Variants in TLE4 observed in about 807,000 individuals in gnomAD.
TLE4 encodes transducin-like enhancer protein 4.
A neutral mutation model predicts 92.8 loss-of-function variants in TLE4; 8 were observed. The ratio of observed to expected loss-of-function variants is 0.09; its 90% CI spans 0.05 to 0.16. The LOEUF (loss-of-function observed/expected upper bound fraction) is 0.16, where lower values mean the gene tolerates loss of function less well. Among genes scored for constraint, TLE4 ranks in the 10% least tolerant of loss-of-function variants. The pLI, the probability that TLE4 is intolerant of heterozygous loss-of-function variation, is 1.00. For missense variants in TLE4, 675 were observed against 997.6 expected, an observed-to-expected ratio of 0.68 and a Z score of 4.36; for synonymous variants, 371 against 374.1, an observed-to-expected ratio of 0.99 and a Z score of 0.10.
chr9:79,591,058 A>G (rs1396242336), intron 4 of TLE4, among the ~76,000 whole-genome samples: 3 of 152,202 alleles, frequency 2.0e-5, no homozygotes, highest in African/African-American at 7.2e-5. Context: ...TTAACCTCAT[A>G]CTATGTGCAG....
At chr9:79,702,975 TTC>T (rs951705833) in intron 8 of TLE4, among the ~76,000 whole-genome samples, 1 of 152,124 alleles carries the variant, frequency 6.6e-6, no homozygotes, top group African/African-American at 2.4e-5. Context: ...GTAACACACT[TTC>T]TCTCATAGTT....
chr9:79,688,516 A>G (rs1017304623), intron 8 of TLE4, among the ~76,000 whole-genome samples: 1 of 152,072 alleles, frequency 6.6e-6, no homozygotes, highest in Admixed American at 6.6e-5. Flanking sequence ...ATATGTTCCT[A>G]TCATACACTT....
intron 8 of TLE4, among the ~76,000 whole-genome samples, chr9:79,673,391 C>G (rs1177974235): frequency 6.6e-6 from 1 of 152,130 alleles, no homozygotes; most frequent in Non-Finnish European, 1.5e-5. Context: ...TGAATGTAAC[C>G]CAATTCCATT....
intron 1 of TLE4, 176 bp from the exon 2 acceptor site, chr9:79,573,513 C>A: frequency 1.2e-6 from 1 of 822,440 alleles, no homozygotes; most frequent in Non-Finnish European, 1.7e-6. Flanking sequence ...ACCTCGAAAC[C>A]AGCCTCTGCC....
intron 8 of TLE4, among the ~76,000 whole-genome samples, chr9:79,683,646 T>A (rs1011930351): frequency 4.6e-5 from 7 of 152,224 alleles, no homozygotes; most frequent in Non-Finnish European, 7.3e-5. Context: ...ATCCATGAAC[T>A]GATAAGGTGT....
rs1206198345 is a variant in TLE4, at chr9:79,689,577, G to A, written c.610-15206G>A. Among the ~76,000 whole-genome samples the A allele has an allele frequency of 2.0e-5, 3 of 152,184 alleles. No homozygotes were observed. In the East Asian group the frequency reaches 5.8e-4, roughly 29 times the overall value. ...GAAGCACTGCATTCAGTATTCAGAAGTGCGTAAAGAGCATCTTGCCTCATC... is the reference window on the plus strand; with the variant it reads ...GAAGCACTGCATTCAGTATTCAGAAATGCGTAAAGAGCATCTTGCCTCATC... On this transcript the variant is annotated intron_variant, in intron 8 of 19. Transcript: ENST00000376552.
intron 8 of TLE4, among the ~76,000 whole-genome samples, chr9:79,691,639 C>T (rs1268676550): frequency 2.6e-5 from 4 of 152,232 alleles, no homozygotes; most frequent in African/African-American, 7.2e-5. Context: ...CCTGTGTGCT[C>T]CAGTGCCATT....
intron 4 of TLE4, 35 bp downstream of exon 4, chr9:79,576,212 G>A: frequency 7.0e-7 from 1 of 1,430,598 alleles, no homozygotes; most frequent in South Asian, 1.4e-5. Flanking sequence ...TTAAATGACA[G>A]TAATACTGGG....
intron 5 of TLE4, among the ~76,000 whole-genome samples, chr9:79,621,310 T>C (rs898662944): frequency 6.6e-6 from 1 of 152,114 alleles, no homozygotes; most frequent in African/African-American, 2.4e-5. Context: ...GCCAGAAGGA[T>C]GGATGAGTGG....
intron 4 of TLE4, among the ~76,000 whole-genome samples, chr9:79,606,349 A>C (rs1186643549): frequency 1.4e-5 from 2 of 145,318 alleles, no homozygotes; most frequent in African/African-American, 2.5e-5. Flanking sequence ...TTTTTTTAAG[A>C]ATACCTAAGA....
intron 8 of TLE4, among the ~76,000 whole-genome samples, chr9:79,683,093 G>A (rs556256503): frequency 1.1e-3 from 161 of 152,278 alleles, no homozygotes; most frequent in African/African-American, 3.4e-3. Context: ...GACCTTATGT[G>A]GGTTGCAGAG....
chr9:79,615,293 G>C (rs1333626451), intron 5 of TLE4, among the ~76,000 whole-genome samples: 1 of 152,172 alleles, frequency 6.6e-6, no homozygotes, highest in Non-Finnish European at 1.5e-5. Flanking sequence ...ACTGTGCCAG[G>C]ACTGAAGGCT....
intron 19 of TLE4, among the ~76,000 whole-genome samples, chr9:79,724,212 T>G (rs1473865355): frequency 6.6e-6 from 1 of 151,914 alleles, no homozygotes; most frequent in Non-Finnish European, 1.5e-5. Context: ...TTCTCATATC[T>G]GATCTCACTG....
At chr9:79,633,852 T>C (rs2054992128) in intron 6 of TLE4, among the ~76,000 whole-genome samples, 1 of 152,132 alleles carries the variant, frequency 6.6e-6, no homozygotes, top group Non-Finnish European at 1.5e-5. Flanking sequence ...GGAAGAAGCA[T>C]GGGCTATAAG....
Position 79,620,619 on chromosome 9 carries a change from C to G in TLE4, c.316-6755C>G, listed in dbSNP as rs116274221. Among the ~76,000 whole-genome samples, 553 of 152,194 alleles carry G rather than the reference C, an allele frequency of 3.6e-3. 4 individuals are homozygous for G. The highest frequency in any genetic ancestry group is 0.013 in the African/African-American group (525 of 41,504). ...TAACCTGCAGTTTACCGGGTATTTGCCAAATTAAACCTGTGTTTGTGTACG... is the reference window on the plus strand; with the variant it reads ...TAACCTGCAGTTTACCGGGTATTTGGCAAATTAAACCTGTGTTTGTGTACG... On this transcript the variant is annotated intron_variant, in intron 5 of 19. Coordinates refer to ENST00000376552, the MANE Select transcript of TLE4 (RefSeq NM_007005.6).
At chr9:79,651,510 T>C (rs1344971805) in intron 6 of TLE4, among the ~76,000 whole-genome samples, 1 of 152,170 alleles carries the variant, frequency 6.6e-6, no homozygotes, top group Non-Finnish European at 1.5e-5. Flanking sequence ...TACTGGTGCA[T>C]GCATCACAGT....
chr9:79,630,898 G>T (rs2054000044), intron 6 of TLE4, among the ~76,000 whole-genome samples: 1 of 152,088 alleles, frequency 6.6e-6, no homozygotes, highest in African/African-American at 2.4e-5. Context: ...TAGTGGAAAA[G>T]AAAATGTTTG....
chr9:79,724,945 A>G, intron 19 of TLE4, 92 bp from the exon 20 acceptor site: 1 of 821,002 alleles, frequency 1.2e-6, no homozygotes, highest in Non-Finnish European at 2.0e-6. Context: ...TTGGTCAAGG[A>G]GCACATTACA....
chr9:79,707,088 G>T (rs2071805241), intron 11 of TLE4, 189 bp downstream of exon 11: 1 of 1,603,906 alleles, frequency 6.2e-7, no homozygotes, highest in Admixed American at 1.7e-5. Context: ...TGTTGGTGAT[G>T]AGTGTTTATT....
Sources: gnomAD v4.1 joint callset for allele counts (sites outside exome capture counted in the v4.1 genomes callset) on GRCh38, gnomAD v4.1.1 for gene constraint, MANE v1.5 for transcripts, NCBI Gene and HGNC (gene_info 2026-07-23, HGNC 2026-07-21) for gene names.